RASA3: variants seen among roughly 807,000 people sequenced by gnomAD.
RASA3 encodes ras GTPase-activating protein 3.
RASA3 carries 73 observed loss-of-function variants against 110.0 expected under a neutral mutation model. That is an observed-to-expected ratio of 0.66 (90% CI 0.55 to 0.81). RASA3 has a LOEUF of 0.81. RASA3 is among the 30% of genes least tolerant of loss of function. RASA3 has a pLI of 0.00. For missense variants in RASA3, 976 were observed against 1,113.2 expected, an observed-to-expected ratio of 0.88 and a Z score of 1.75; for synonymous variants, 500 against 451.4, an observed-to-expected ratio of 1.11 and a Z score of -1.37.
In RASA3 at chr13:114,096,362, G is replaced by A. The variant is rs1354163238; in HGVS notation, c.56-22525C>T. On this transcript the variant is annotated intron_variant, in intron 1 of 23. Transcript: ENST00000334062. This position sits in a 1 kb window ranked among gnomAD's most constrained non-coding sequence, Gnocchi z 5.1. ...TCACAGTCACCTCAACAGCATCTCAGCCGTTGTCCGACACTGGGTGATTCT... is the reference window on the plus strand; with the variant it reads ...TCACAGTCACCTCAACAGCATCTCAACCGTTGTCCGACACTGGGTGATTCT... 1.3e-5 allele frequency among the ~76,000 whole-genome samples: 2 copies of A among 152,106 alleles called. No individual in the cohort carries two copies. Among genetic ancestry groups the A allele is most frequent in the African/African-American group, 2.4e-5 (1 of 41,444 alleles).
intron 1 of RASA3, among the ~76,000 whole-genome samples, chr13:114,100,256 A>AGCACC (rs2080039296): frequency 6.6e-6 from 1 of 151,922 alleles, no homozygotes; most frequent in Admixed American, 6.5e-5. Flanking sequence ...CCTCTGTGCC[A>AGCACC]GCACCAGCGG....
At chr13:114,024,795 G>C (rs2053997065) in intron 7 of RASA3, among the ~76,000 whole-genome samples, 1 of 152,242 alleles carries the variant, frequency 6.6e-6, no homozygotes, top group Non-Finnish European at 1.5e-5. Context: ...AAACGCGTGA[G>C]GTCTGTGGAG....
At chr13:114,061,031 C>A (rs1355681803) in intron 2 of RASA3, among the ~76,000 whole-genome samples, 1 of 152,112 alleles carries the variant, frequency 6.6e-6, no homozygotes, top group African/African-American at 2.4e-5. Context: ...CCACAGCCGG[C>A]AGATGGAGCC....
At position 114,057,306 on chromosome 13, in the gene RASA3, T is replaced by G; in HGVS notation, c.174-5151A>C. The stretch of plus-strand genomic sequence containing the variant: ...ATCTGCAGGCGGCCGGCCAGCCTTA[T>G]CAACGGAGCTCTGAGCCACCAACCA... On this transcript the variant is annotated intron_variant, in intron 2 of 23. Coordinates refer to ENST00000334062, the MANE Select transcript of RASA3 (RefSeq NM_007368.4). The surrounding 1 kb of genome is among the most constrained non-coding windows in gnomAD (Gnocchi z 5.0). 1.0e-6 allele frequency: 1 copy of G among 985,426 alleles called. No individual in the cohort carries two copies. 61.0% of individuals were successfully genotyped at this position (985,426 alleles called of 1,614,324 possible). A position where few individuals can be genotyped will look rare whatever the true frequency, so the allele number is the denominator to read the frequency against.
chr13:114,045,006 A>C (rs1287027937), intron 3 of RASA3, among the ~76,000 whole-genome samples: 1 of 152,218 alleles, frequency 6.6e-6, no homozygotes. Flanking sequence ...AACATTCAAA[A>C]GGATTTAAAA....
rs2080438540 is a variant in RASA3, at chr13:114,125,782, C to A, written c.55+6653G>T. Among the ~76,000 whole-genome samples the A allele has an allele frequency of 2.6e-5, 4 of 152,168 alleles. No homozygotes were observed. The South Asian group carries it at 8.3e-4, about 31-fold the overall frequency. ...CCCTCCTTTCCTGCGTGAACACAGACCCCTGCTCTGACCCGCGGCTGCGTA... is the reference window on the plus strand; with the variant it reads ...CCCTCCTTTCCTGCGTGAACACAGAACCCTGCTCTGACCCGCGGCTGCGTA... On this transcript the variant is annotated intron_variant, in intron 1 of 23. Coordinates refer to ENST00000334062, the MANE Select transcript of RASA3 (RefSeq NM_007368.4).
chr13:114,079,471 T>C (rs2079745292), intron 1 of RASA3, among the ~76,000 whole-genome samples: 1 of 152,190 alleles, frequency 6.6e-6, no homozygotes, highest in Non-Finnish European at 1.5e-5. Context: ...CAAAGGGGCC[T>C]AAAAATTTTG....
intron 1 of RASA3, among the ~76,000 whole-genome samples, chr13:114,101,723 A>C (rs909861463): frequency 6.6e-6 from 1 of 152,188 alleles, no homozygotes; most frequent in Non-Finnish European, 1.5e-5. Context: ...GGCAGTGTCT[A>C]AGTGTCTCCC....
At chr13:113,999,546 C>T in intron 20 of RASA3, 39 bp downstream of exon 20, 1 of 1,557,298 alleles carries the variant, frequency 6.4e-7, no homozygotes, top group Non-Finnish European at 8.9e-7. Flanking sequence ...CCTGGCCAGG[C>T]CTCAACCCGA....
At chr13:114,106,300 C>T (rs1161244350) in intron 1 of RASA3, among the ~76,000 whole-genome samples, 3 of 152,178 alleles carry the variant, frequency 2.0e-5, no homozygotes, top group East Asian at 1.9e-4. Flanking sequence ...AAGACGCTAA[C>T]GTGCCAGGCT....
intron 1 of RASA3, among the ~76,000 whole-genome samples, chr13:114,075,495 C>G (rs1259823389): frequency 2.0e-5 from 2 of 97,844 alleles, no homozygotes; most frequent in African/African-American, 7.4e-5. Flanking sequence ...ACCGGCAGGA[C>G]GAAGCCTCCC....
At chr13:114,043,788 G>C (rs1312743453) in intron 3 of RASA3, among the ~76,000 whole-genome samples, 1 of 151,092 alleles carries the variant, frequency 6.6e-6, no homozygotes, top group Admixed American at 6.6e-5. Flanking sequence ...CAGACCACGA[G>C]GGTGGACGAC....
At chr13:114,058,279 T>G (rs962876254) in intron 2 of RASA3, among the ~76,000 whole-genome samples, 1 of 151,380 alleles carries the variant, frequency 6.6e-6, no homozygotes, top group Non-Finnish European at 1.5e-5. Flanking sequence ...GTGCTGCTGC[T>G]GCGGCGAGGC....
chr13:114,018,537 G>A (rs1040269575), intron 10 of RASA3, among the ~76,000 whole-genome samples: 5 of 152,264 alleles, frequency 3.3e-5, no homozygotes, highest in Non-Finnish European at 2.9e-5. Context: ...CGAACAACCC[G>A]GAGAGTCCTT....
In RASA3 at chr13:114,014,304, G is replaced by T. The variant is rs1165089742; in HGVS notation, c.1405+905C>A. Among the ~76,000 whole-genome samples the T allele has an allele frequency of 2.0e-5, 3 of 152,194 alleles. No homozygotes were observed. The highest frequency in any genetic ancestry group is 7.2e-5 in the African/African-American group (3 of 41,454). On this transcript the variant is annotated intron_variant, in intron 14 of 23. Coordinates refer to ENST00000334062, the MANE Select transcript of RASA3 (RefSeq NM_007368.4). This position sits in a 1 kb window ranked among gnomAD's most constrained non-coding sequence, Gnocchi z 4.5. ...TTCACTTCCACCTTGTTCAAAGTGG[G>T]TCTGGGGCTGGGATGTGCTTGGGAA...
At chr13:114,010,779 C>G (rs1425462885) in intron 16 of RASA3, among the ~76,000 whole-genome samples, 13 of 113,902 alleles carry the variant, frequency 1.1e-4, no homozygotes, top group Non-Finnish European at 1.6e-4. Flanking sequence ...GAGGAGGGGG[C>G]CGCGTGGGGA....
At chr13:114,009,516 G>C (rs1476725566) in intron 16 of RASA3, 52 bp from the exon 17 acceptor site, 2 of 1,203,950 alleles carry the variant, frequency 1.7e-6, no homozygotes, top group African/African-American at 1.5e-5. Context: ...CTCGGCTCAC[G>C]GCCCAAATCT....
In RASA3 at chr13:114,018,809, T is replaced by A. The variant is rs1361209054; in HGVS notation, c.896A>T (p.Tyr299Phe). 3 of 1,613,738 alleles carry A rather than the reference T, an allele frequency of 1.9e-6. No individual in the cohort carries two copies. The highest frequency in any genetic ancestry group is 2.2e-5 in the East Asian group (1 of 44,876). Residue 299 changes from tyrosine (Y) to phenylalanine (F), a missense_variant, in exon 10 of 24, where the codon TAT becomes TTT. Transcript: ENST00000334062. Reference protein sequence around the residue: ...YTEDHVFSSDYYSPLRDLLLK... With the variant: ...YTEDHVFSSDFYSPLRDLLLK... The stretch of plus-strand genomic sequence containing the variant: ...CAGCAGGTCCCGCAGAGGGCTGTAA[T>A]AGTCAGAAGAAAACACGTGGTCTTC...
intron 21 of RASA3, 91 bp downstream of exon 21, chr13:113,996,440 G>T: frequency 7.8e-7 from 1 of 1,277,824 alleles, no homozygotes; most frequent in Non-Finnish European, 1.1e-6. Flanking sequence ...CTTACAGGCA[G>T]GCATGCACTG....
Sources: gnomAD v4.1 joint callset for allele counts (sites outside exome capture counted in the v4.1 genomes callset) on GRCh38, gnomAD v4.1.1 for gene constraint, Gnocchi (gnomAD v3.1) non-coding constraint, MANE v1.5 for transcripts, NCBI Gene and HGNC (gene_info 2026-07-23, HGNC 2026-07-21) for gene names.